The following DST variants were observed in gnomAD, a reference collection of about 807,000 sequenced individuals.
The protein encoded by DST is dystonin, also known as bullous pemphigoid antigen.
In DST, 253 loss-of-function variants were observed where a neutral mutation model predicts 875.2. The observed-to-expected ratio is 0.29, with a 90% CI of 0.26 to 0.32. The LOEUF is 0.32. Among genes scored for constraint, DST ranks in the 10% least tolerant of loss-of-function variants. The probability of loss-of-function intolerance (pLI) is 1.00; values close to 1 mark genes in which losing one functional copy is unlikely to be tolerated. For synonymous variants in DST, 3,124 were observed against 3,197.1 expected (o/e 0.98, Z 0.77); for missense variants, 8,287 against 9,111.6 (o/e 0.91, Z 3.68).
chr6:56,812,089 G>C (rs1266639567), intron 4 of DST, among the ~76,000 whole-genome samples: 2 of 72,878 alleles, frequency 2.7e-5, no homozygotes, highest in Non-Finnish European at 6.2e-5. Context: ...GCAACAGAAA[G>C]AGACTCTGAC....
intron 4 of DST, among the ~76,000 whole-genome samples, chr6:56,783,228 TGTCTATTACGTCTGC>T (rs1484320294): frequency 6.6e-6 from 1 of 152,240 alleles, no homozygotes; most frequent in Admixed American, 6.5e-5. Flanking sequence ...GTTCTGTAGA[TGTCTATTACGTCTGC>T]TTGGTGCAGA....
intron 15 of DST, among the ~76,000 whole-genome samples, chr6:56,644,852 T>C (rs1223841410): frequency 6.6e-6 from 1 of 152,150 alleles, no homozygotes; most frequent in Non-Finnish European, 1.5e-5. Flanking sequence ...CCAAATCTCA[T>C]CTTGAATTGT....
At chr6:56,620,123 A>G (rs1354869933) in intron 36 of DST, 1 of 1,613,548 alleles carries the variant, frequency 6.2e-7, no homozygotes, top group South Asian at 1.1e-5. Flanking sequence ...TTTCTCTGCT[A>G]CCTGTTTCTG....
chr6:56,777,553 G>C (rs1207655683), intron 4 of DST, among the ~76,000 whole-genome samples: 3 of 152,000 alleles, frequency 2.0e-5, no homozygotes, highest in Non-Finnish European at 4.4e-5. Flanking sequence ...AGGAAAAAGT[G>C]AGTGGTCCAA....
At chr6:56,566,951 T>C (rs2097690367) in intron 55 of DST, among the ~76,000 whole-genome samples, 1 of 152,208 alleles carries the variant, frequency 6.6e-6, no homozygotes, top group Non-Finnish European at 1.5e-5. Context: ...TAGGAGTACC[T>C]AGGTCTTGCT....
intron 4 of DST, among the ~76,000 whole-genome samples, chr6:56,836,021 T>G (rs2099793153): frequency 6.6e-6 from 1 of 152,210 alleles, no homozygotes; most frequent in African/African-American, 2.4e-5. Context: ...ATTGTCTTTT[T>G]ATAACTAATC....
intron 3 of DST, chr6:56,871,352 G>GA (rs1352049844): frequency 1.5e-5 from 16 of 1,065,786 alleles, no homozygotes; most frequent in Non-Finnish European, 1.9e-5. Flanking sequence ...TCACTTTACA[G>GA]AAACAGTGTG....
At chr6:56,818,463 A>C (rs1446999777) in intron 4 of DST, among the ~76,000 whole-genome samples, 1 of 152,204 alleles carries the variant, frequency 6.6e-6, no homozygotes, top group African/African-American at 2.4e-5. Flanking sequence ...GTCATATGAC[A>C]GACCAAATGG....
At chr6:56,673,960 A>C (rs2099115551) in intron 9 of DST, among the ~76,000 whole-genome samples, 1 of 152,222 alleles carries the variant, frequency 6.6e-6, no homozygotes, top group Admixed American at 6.5e-5. Context: ...AGCCACTAGT[A>C]TATCAGACTT....
intron 3 of DST, among the ~76,000 whole-genome samples, chr6:56,891,558 T>C (rs1592140334): frequency 1.9e-5 from 2 of 103,842 alleles, no homozygotes; most frequent in South Asian, 3.3e-4. Flanking sequence ...AGAGTGAGAC[T>C]CCGTCTCAAA....
chr6:56,724,337 CTG>C (rs1383471901), intron 5 of DST, among the ~76,000 whole-genome samples: 3 of 152,184 alleles, frequency 2.0e-5, no homozygotes, highest in Non-Finnish European at 4.4e-5. Flanking sequence ...TCTGGTGTAA[CTG>C]TACTTAAATC....
At chr6:56,907,578 T>A (rs1332467152) in intron 2 of DST, among the ~76,000 whole-genome samples, 1 of 152,224 alleles carries the variant, frequency 6.6e-6, no homozygotes, top group Non-Finnish European at 1.5e-5. Context: ...TTTATCTAAC[T>A]CCAACCAGTG....
intron 58 of DST, 143 bp downstream of exon 58, chr6:56,560,151 C>T: frequency 1.2e-6 from 1 of 817,562 alleles, no homozygotes; most frequent in South Asian, 2.7e-5. Flanking sequence ...TGAAATGACA[C>T]TTTATGCAAA....
chr6:56,619,376 T>C, intron 36 of DST: 2 of 1,613,698 alleles, frequency 1.2e-6, no homozygotes, highest in Non-Finnish European at 1.7e-6. Flanking sequence ...TTGGATTTTA[T>C]CATTATTTTC....
intron 2 of DST, among the ~76,000 whole-genome samples, chr6:56,916,987 T>TAAAAAAA (rs1161421788): frequency 1.4e-4 from 5 of 35,552 alleles, no homozygotes; most frequent in African/African-American, 5.6e-4. Flanking sequence ...CCAGGCATGC[T>TAAAAAAA]AAAAAAAAAA....
At chr6:56,752,206 C>G (rs2099589269) in intron 4 of DST, among the ~76,000 whole-genome samples, 1 of 151,960 alleles carries the variant, frequency 6.6e-6, no homozygotes, top group Admixed American at 6.6e-5. Flanking sequence ...AAAAAGGCAT[C>G]ATGAGTCATC....
At chr6:56,749,819 T>A (rs1036184836) in intron 4 of DST, among the ~76,000 whole-genome samples, 10 of 151,988 alleles carry the variant, frequency 6.6e-5, no homozygotes, top group South Asian at 2.1e-4. Context: ...CTGGAAAAAA[T>A]TTTCATTCTG....
At chr6:56,584,561 T>C (rs905117916) in intron 49 of DST, among the ~76,000 whole-genome samples, 5 of 151,016 alleles carry the variant, frequency 3.3e-5, no homozygotes, top group African/African-American at 7.4e-5. Context: ...TGACTTCCTC[T>C]TTTCCTAATT....
At chr6:56,768,072 A>G (rs547869943) in intron 4 of DST, among the ~76,000 whole-genome samples, 1 of 152,322 alleles carries the variant, frequency 6.6e-6, no homozygotes, top group Admixed American at 6.5e-5. Context: ...TTTGATTCTC[A>G]CTAAAATAGG....
Sources: allele counts gnomAD v4.1 joint callset (sites outside exome capture counted in the v4.1 genomes callset), GRCh38; gene constraint gnomAD v4.1.1; transcripts MANE v1.5; gene names NCBI Gene and HGNC (gene_info 2026-07-23, HGNC 2026-07-21).